The following FERRY3 variants were observed in gnomAD, a reference collection of about 807,000 sequenced individuals.
FERRY3 encodes protein C12orf4.
At chr12:4,509,571 C>T in the FERRY3 span, among the ~76,000 whole-genome samples, 411 of 147,694 alleles carry the variant, frequency 2.8e-3, no homozygotes, top group African/African-American at 7.4e-3. Flanking sequence ...AGACTGCCTC[C>T]TCAAGTGGGT....
the FERRY3 span, chr12:4,505,445 C>T: frequency 1.8e-6 from 2 of 1,130,040 alleles, no homozygotes; most frequent in Non-Finnish European, 2.6e-6. Flanking sequence ...ACTATGACTG[C>T]TCCCAAAAGA....
the FERRY3 span, among the ~76,000 whole-genome samples, chr12:4,528,208 G>A: frequency 8.6e-5 from 13 of 151,982 alleles, no homozygotes; most frequent in Admixed American, 3.3e-4. Flanking sequence ...AAAACCTGAC[G>A]GCTAATAACA....
the FERRY3 span, among the ~76,000 whole-genome samples, chr12:4,528,940 A>ACACACAC: frequency 8.5e-6 from 1 of 117,256 alleles, no homozygotes; most frequent in African/African-American, 3.0e-5. Context: ...CACACACACA[A>ACACACAC]ACAAAAGTGA....
the FERRY3 span, among the ~76,000 whole-genome samples, chr12:4,496,537 A>C: frequency 6.6e-6 from 1 of 152,192 alleles, no homozygotes; most frequent in East Asian, 1.9e-4. Flanking sequence ...TAGACTTTAT[A>C]ACTGGCCAAA....
the FERRY3 span, among the ~76,000 whole-genome samples, chr12:4,505,020 G>A: frequency 6.6e-6 from 1 of 152,154 alleles, no homozygotes; most frequent in Non-Finnish European, 1.5e-5. Flanking sequence ...CAGGAGAATC[G>A]CTTGAACCCG....
chr12:4,517,181 T>C, the FERRY3 span: 1 of 1,544,228 alleles, frequency 6.5e-7, no homozygotes, highest in South Asian at 1.3e-5. Context: ...TGGCAAACTG[T>C]GGCAAAATCT....
At chr12:4,525,453 G>C in the FERRY3 span, 5 of 1,601,746 alleles carry the variant, frequency 3.1e-6, no homozygotes, top group South Asian at 4.5e-5. Flanking sequence ...AAATGCAACT[G>C]CATACCTAAA....
chr12:4,495,634 G>T, the FERRY3 span, among the ~76,000 whole-genome samples: 1 of 152,178 alleles, frequency 6.6e-6, no homozygotes, highest in African/African-American at 2.4e-5. Context: ...AGATTGTAAC[G>T]CAAGTTAAAA....
chr12:4,502,374 G>A, the FERRY3 span: 5 of 451,698 alleles, frequency 1.1e-5, no homozygotes, highest in Non-Finnish European at 1.8e-5. This position sits in a 1 kb window ranked among gnomAD's most constrained non-coding sequence, Gnocchi z 4.2. Flanking sequence ...GCTGAACGCT[G>A]GAGCAGTCTT....
the FERRY3 span, among the ~76,000 whole-genome samples, chr12:4,530,224 G>GA: frequency 0.035 from 5,164 of 148,514 alleles, 262 homozygotes; most frequent in African/African-American, 0.12. Context: ...TCTAAGCACA[G>GA]AAAAAAAAAA....
chr12:4,500,017 G>A, the FERRY3 span: 25 of 876,036 alleles, frequency 2.9e-5, no homozygotes, highest in Admixed American at 7.5e-5. Context: ...TAACCAGATC[G>A]GAGATGCAAA....
At chr12:4,535,413 C>G in the FERRY3 span, among the ~76,000 whole-genome samples, 2 of 152,178 alleles carry the variant, frequency 1.3e-5, no homozygotes, top group South Asian at 4.1e-4. This position sits in a 1 kb window ranked among gnomAD's most constrained non-coding sequence, Gnocchi z 4.0. Flanking sequence ...AATAATTTAA[C>G]CTCTTTATGT....
chr12:4,525,282 G>C, the FERRY3 span: 1 of 1,613,360 alleles, frequency 6.2e-7, no homozygotes, highest in East Asian at 2.2e-5. Context: ...GGGTTTTTTA[G>C]GTCTTGGTGA....
At chr12:4,519,737 C>T in the FERRY3 span, among the ~76,000 whole-genome samples, 3 of 152,220 alleles carry the variant, frequency 2.0e-5, no homozygotes, top group Admixed American at 6.5e-5. The surrounding 1 kb of genome is among the most constrained non-coding windows in gnomAD (Gnocchi z 4.3). Flanking sequence ...ACCACCTGAG[C>T]TCCACCTCCC....
At chr12:4,517,051 T>C in the FERRY3 span, 1 of 1,530,790 alleles carries the variant, frequency 6.5e-7, no homozygotes, top group East Asian at 2.4e-5. Context: ...TAAAAGTGAG[T>C]TTTACCCACC....
chr12:4,497,535 C>T, the FERRY3 span, among the ~76,000 whole-genome samples: 6 of 152,160 alleles, frequency 3.9e-5, no homozygotes, highest in African/African-American at 1.4e-4. Flanking sequence ...ACAACAAAAT[C>T]TTCATTAGTA....
At chr12:4,530,223 A>C in the FERRY3 span, among the ~76,000 whole-genome samples, 3 of 151,310 alleles carry the variant, frequency 2.0e-5, no homozygotes, top group South Asian at 2.1e-4. Flanking sequence ...GTCTAAGCAC[A>C]GAAAAAAAAA....
the FERRY3 span, chr12:4,536,026 T>C: frequency 1.9e-6 from 3 of 1,557,974 alleles, no homozygotes; most frequent in Admixed American, 2.1e-5. Context: ...CCTTTTTCTA[T>C]AAAGCACGGT....
At chr12:4,517,073 T>C in the FERRY3 span, 1 of 1,552,328 alleles carries the variant, frequency 6.4e-7, no homozygotes, top group Non-Finnish European at 8.7e-7. Context: ...AGTGATTCTT[T>C]CAATTTACTC....
Sources: allele counts gnomAD v4.1 joint callset (sites outside exome capture counted in the v4.1 genomes callset), GRCh38; gene constraint gnomAD v4.1.1; non-coding constraint Gnocchi (gnomAD v3.1); transcripts MANE v1.5; gene names NCBI Gene and HGNC (gene_info 2026-07-23, HGNC 2026-07-21).